Variants in ZNF35 observed in about 807,000 individuals in gnomAD.
The protein encoded by ZNF35 is zinc finger protein 35.
Under a neutral mutation model 45.9 loss-of-function variants are expected in ZNF35, and 31 were observed. That is an observed-to-expected ratio of 0.68 (90% CI 0.51 to 0.91). The LOEUF (loss-of-function observed/expected upper bound fraction) is 0.91, where lower values mean the gene tolerates loss of function less well. ZNF35 is among the 40% of genes least tolerant of loss of function. The pLI is 0.00. For synonymous variants in ZNF35, 205 were observed against 220.2 expected (o/e 0.93, Z 0.61); for missense variants, 515 against 625.4 (o/e 0.82, Z 1.88).
rs116203321 is a variant in ZNF35 at position 44,655,916 on chromosome 3, A to G, written c.338-2785A>G. Among the ~76,000 whole-genome samples the G allele has an allele frequency of 8.8e-3, 1,340 of 152,302 alleles. 22 individuals carry two copies. The highest frequency in any genetic ancestry group is 0.031 in the African/African-American group (1,281 of 41,564). On this transcript the variant is annotated intron_variant, in intron 3 of 3. Transcript: ENST00000396056. ...TCCCAGTAAGGAGGGTAGGAGTGAAAGTCAGGGAGACAGTGCAGCTATGAA... is the reference window on the plus strand; with the variant it reads ...TCCCAGTAAGGAGGGTAGGAGTGAAGGTCAGGGAGACAGTGCAGCTATGAA...
At chr3:44,648,324 T>C (rs1703079169), upstream of ZNF35, 1 of 152,190 alleles carries the variant, frequency 6.6e-6, no homozygotes, top group Admixed American at 6.5e-5. Context: ...TTCAAAAAAA[T>C]GATTTTAAAT....
In ZNF35 at chr3:44,660,063, T is replaced by C; in HGVS notation, c.*116T>C. 3.5e-6 allele frequency: 4 copies of C among 1,155,696 alleles called. No individual in the cohort carries two copies. Among genetic ancestry groups the C allele is most frequent in the Non-Finnish European group, 4.7e-6 (4 of 855,472 alleles). The allele number at this position is 1,155,696 out of a possible 1,614,324, so 71.6% of individuals were successfully genotyped here. ...AAAGTGAGGGCTGTGTCCTTAAAAG[T>C]TATAGTTTTCAGGAATGCAGCAGAA... On this transcript the variant is annotated 3_prime_UTR_variant, in exon 4 of 4. Coordinates refer to ENST00000396056, the MANE Select transcript of ZNF35 (RefSeq NM_003420.4).
Position 44,652,710 on chromosome 3 carries a change from C to A in ZNF35, c.337+9C>A. ...GACCATGAACTTTCTAGGTATGGTT[C>A]AGTTCCCTGATTCTGAATCTGACCA... is the stretch of plus-strand genomic sequence containing the variant. On this transcript the variant is annotated intron_variant, in intron 3 of 3. Coordinates refer to ENST00000396056, the MANE Select transcript of ZNF35 (RefSeq NM_003420.4). The A allele has an allele frequency of 6.5e-7, 1 of 1,549,938 alleles. No individual in the cohort carries two copies. The highest frequency in any genetic ancestry group is 2.3e-5 in the East Asian group (1 of 42,612).
intron 2 of ZNF35, among the ~76,000 whole-genome samples, chr3:44,651,562 C>T (rs960288062): frequency 2.6e-5 from 4 of 152,142 alleles, no homozygotes; most frequent in African/African-American, 9.7e-5. Context: ...GGCACAGTGG[C>T]TCACACCTGT....
chr3:44,655,692 C>G (rs1271767405), intron 3 of ZNF35, among the ~76,000 whole-genome samples: 1 of 152,226 alleles, frequency 6.6e-6, no homozygotes, highest in African/African-American at 2.4e-5. Context: ...ATTCTCTTTT[C>G]TTAGGCACTT....
At chr3:44,657,095 T>A (rs560485825) in intron 3 of ZNF35, among the ~76,000 whole-genome samples, 3 of 152,196 alleles carry the variant, frequency 2.0e-5, no homozygotes, top group Non-Finnish European at 4.4e-5. Flanking sequence ...GTCTGAATGA[T>A]TGTGATAGAA....
At position 44,652,853 on chromosome 3, in the gene ZNF35, C is replaced by G. The variant is rs1575514704; in HGVS notation, c.337+152C>G. On this transcript the variant is annotated intron_variant, in intron 3 of 3. Coordinates refer to ENST00000396056, the MANE Select transcript of ZNF35 (RefSeq NM_003420.4). Reference sequence around the variant, plus strand: ...AGCTGGAAAGAGGAATGCTGAAATGCCTGTGCATTTGTCATGGGAAGTGGC... The same window carrying G: ...AGCTGGAAAGAGGAATGCTGAAATGGCTGTGCATTTGTCATGGGAAGTGGC... 1.4e-5 allele frequency: 11 copies of G among 798,710 alleles called. No homozygotes were observed. The East Asian group carries it at 3.4e-4, about 25-fold the overall frequency. The allele number at this position is 798,710 out of a possible 1,614,324, so 49.5% of individuals were successfully genotyped here.
At chr3:44,650,847 C>T (rs1315343032) in intron 1 of ZNF35, 94 bp from the exon 2 acceptor site, 2 of 477,526 alleles carry the variant, frequency 4.2e-6, no homozygotes, top group Non-Finnish European at 7.4e-6. Flanking sequence ...TGGCCAGGCG[C>T]TGGTGAAATT....
chr3:44,658,745 A>G lies in ZNF35; in HGVS notation c.382A>G (p.Ile128Val). The G allele has an allele frequency of 1.3e-6, 2 of 1,586,048 alleles. No homozygotes were observed. The highest frequency in any genetic ancestry group is 1.4e-5 in the African/African-American group (1 of 72,970). ...ACAGTTACTGGTTCCAAAAACTGAG[A>G]TATGTGAGGAAGCTGAAAAACCCCT... is the stretch of plus-strand genomic sequence containing the variant. ...NLQLLVPKTEICEEAEKPLII... is the reference protein window; with the variant it reads ...NLQLLVPKTEVCEEAEKPLII... Residue 128 changes from isoleucine (I) to valine (V), a missense_variant, in exon 4 of 4, where the codon ATA (isoleucine) becomes GTA (valine). Around this residue, in one of 3 missense-constraint regions of ZNF35, gnomAD observed 275 missense variants for 295.7 expected, o/e 0.93. Coordinates refer to ENST00000396056, the MANE Select transcript of ZNF35 (RefSeq NM_003420.4).
In ZNF35 at chr3:44,659,972, A is replaced by G; in HGVS notation, c.*25A>G. The G allele has an allele frequency of 6.6e-7, 1 of 1,522,248 alleles. No homozygotes were observed. Among genetic ancestry groups the G allele is most frequent in the Non-Finnish European group, 8.8e-7 (1 of 1,136,062 alleles). The allele number at this position is 1,522,248 out of a possible 1,614,324, so 94.3% of individuals were successfully genotyped here. ...ACAAGTAAGGAAGAGGAAGACCTCC[A>G]GCATTGGTCATAACCTTCTGCCTCC... is the stretch of plus-strand genomic sequence containing the variant. On this transcript the variant is annotated 3_prime_UTR_variant, in exon 4 of 4. Transcript: ENST00000396056. This position sits in a 1 kb window ranked among gnomAD's most constrained non-coding sequence, Gnocchi z 4.3.
intron 3 of ZNF35, among the ~76,000 whole-genome samples, chr3:44,653,445 C>A (rs1703241892): frequency 6.6e-6 from 1 of 152,146 alleles, no homozygotes; most frequent in Admixed American, 6.5e-5. Flanking sequence ...CAATGAGTTT[C>A]ATCTCTGTGC....
At chr3:44,650,223 A>G (rs988019097) in intron 1 of ZNF35, among the ~76,000 whole-genome samples, 11 of 152,210 alleles carry the variant, frequency 7.2e-5, no homozygotes, top group Admixed American at 2.0e-4. Context: ...GAATGGCAAC[A>G]TGAAAGTAAT....
intron 3 of ZNF35, among the ~76,000 whole-genome samples, chr3:44,656,441 A>G (rs1446074495): frequency 2.0e-5 from 3 of 150,624 alleles, no homozygotes; most frequent in Non-Finnish European, 4.4e-5. Context: ...CCCAGGCTGG[A>G]GTGCAGTGGC....
chr3:44,646,594 C>T, upstream of ZNF35: 2 of 879,360 alleles, frequency 2.3e-6, no homozygotes, highest in Non-Finnish European at 3.8e-6. Context: ...CTGGATTCTT[C>T]AAAATATTAT....
In ZNF35 at chr3:44,659,811, TCAGA is replaced by T. The variant is rs759727350; in HGVS notation, c.1453_1456del (p.Gln485GlyfsTer45). 2 of 1,613,916 alleles carry T rather than the reference TCAGA, an allele frequency of 1.2e-6. No individual in the cohort carries two copies. Among genetic ancestry groups the T allele is most frequent in the Admixed American group, 1.7e-5 (1 of 60,000 alleles). ...ACATGTAATGAGTGTGGGAAGGCCTTCAGACAGAGGTCGAGCCTCACCGTGCACC... is the reference window on the plus strand; with the variant it reads ...ACATGTAATGAGTGTGGGAAGGCCTTCAGAGGTCGAGCCTCACCGTGCACC... On this transcript the variant is annotated frameshift_variant, in exon 4 of 4. Transcript: ENST00000396056. LOFTEE classifies it high-confidence loss of function. The surrounding 1 kb of genome is among the most constrained non-coding windows in gnomAD (Gnocchi z 4.3).
chr3:44,652,778 G>T, intron 3 of ZNF35, 77 bp downstream of exon 3: 1 of 1,424,200 alleles, frequency 7.0e-7, no homozygotes, highest in Non-Finnish European at 9.3e-7. Context: ...TGGGCATCCA[G>T]TCTCCTAGGT....
chr3:44,655,901 G>T (rs1703291821), intron 3 of ZNF35, among the ~76,000 whole-genome samples: 2 of 152,202 alleles, frequency 1.3e-5, no homozygotes, highest in South Asian at 4.1e-4. Context: ...TCCCAGTAAG[G>T]AGGGTAGGAG....
In ZNF35 at chr3:44,658,822, A is replaced by C; in HGVS notation, c.459A>C (p.Gly153=). The C allele has an allele frequency of 6.2e-7, 1 of 1,613,610 alleles. No individual in the cohort carries two copies. Among genetic ancestry groups the C allele is most frequent in the Non-Finnish European group, 8.5e-7 (1 of 1,179,934 alleles). The change falls in exon 4 of 4, where the codon GGA becomes GGC. Residue 153 remains glycine (G), a synonymous_variant. Transcript: ENST00000396056. ...CTGATCCTCAAGGACCTGAGTTAGG[A>C]GAAGCTTGTGAAAAGGGAAACATGT... The part of the protein sequence containing the change: ...QKADPQGPEL[G]EACEKGNMLK...
intron 3 of ZNF35, among the ~76,000 whole-genome samples, chr3:44,655,185 A>G (rs932607597): frequency 1.3e-5 from 2 of 152,210 alleles, no homozygotes; most frequent in African/African-American, 4.8e-5. Flanking sequence ...CTGCTTATCA[A>G]ATTTCTTTAT....
Sources: allele counts gnomAD v4.1 joint callset (sites outside exome capture counted in the v4.1 genomes callset), GRCh38; gene constraint gnomAD v4.1.1; regional missense constraint gnomAD v4.1.1; non-coding constraint Gnocchi (gnomAD v3.1); transcripts MANE v1.5; gene names NCBI Gene and HGNC (gene_info 2026-07-23, HGNC 2026-07-21).